Variants in PDE1A observed in about 807,000 individuals in gnomAD.
PDE1A encodes phosphodiesterase 1A, also known as dual specificity calcium/calmodulin-dependent 3',5'-cyclic nucleotide phosphodiesterase 1A.
PDE1A carries 35 observed loss-of-function variants against 61.7 expected under a neutral mutation model. The ratio of observed to expected loss-of-function variants is 0.57; its 90% confidence interval spans 0.43 to 0.75. PDE1A has a LOEUF of 0.75. Ranked by LOEUF, PDE1A falls within the 30% of genes least tolerant of loss-of-function variation. The pLI is 0.00. For synonymous variants in PDE1A, 232 were observed against 213.2 expected (o/e 1.09, Z -0.77); for missense variants, 597 against 630.6 (o/e 0.95, Z 0.57).
the PDE1A span, among the ~76,000 whole-genome samples, chr2:182,584,982 T>TA: frequency 1.3e-5 from 2 of 152,198 alleles, no homozygotes; most frequent in Admixed American, 6.5e-5. Flanking sequence ...AACCTGGACG[T>TA]AAAAAAAGTA....
At chr2:182,438,053 A>G (rs1291296316) in intron 2 of PDE1A, among the ~76,000 whole-genome samples, 3 of 151,830 alleles carry the variant, frequency 2.0e-5, no homozygotes, top group Non-Finnish European at 2.9e-5. Flanking sequence ...CTGGAATCTG[A>G]AGGGATTTTC....
intron 1 of PDE1A, among the ~76,000 whole-genome samples, chr2:182,335,376 G>A (rs775774558): frequency 3.2e-4 from 49 of 152,112 alleles, no homozygotes; most frequent in Non-Finnish European, 4.4e-4. Context: ...ATACTACAAG[G>A]TTACAGTAAC....
chr2:182,382,239 G>A (rs185496828), intron 1 of PDE1A, among the ~76,000 whole-genome samples: 41 of 152,302 alleles, frequency 2.7e-4, no homozygotes, highest in African/African-American at 9.9e-4. Context: ...TAAAAGCAGA[G>A]TTTTCCTTGA....
chr2:182,496,750 G>A lies in PDE1A; in HGVS notation c.101+25526C>T, dbSNP rs76386973. ...GGCTCCATAGGTATCTAGAGGCAGC[G>A]GACTGATAGCAGCAGTAGTGATGGC... On this transcript the variant is annotated intron_variant, in intron 2 of 14. Transcript: ENST00000410103. Among the ~76,000 whole-genome samples the A allele has an allele frequency of 5.9e-3, 904 of 152,350 alleles. 14 individuals carry two copies. The highest frequency in any genetic ancestry group is 0.02 in the South Asian group (98 of 4,832).
the PDE1A span, among the ~76,000 whole-genome samples, chr2:182,650,972 T>C: frequency 6.6e-6 from 1 of 152,114 alleles, no homozygotes; most frequent in Non-Finnish European, 1.5e-5. Flanking sequence ...CTCTAGAGTC[T>C]TATTTGTGTT....
chr2:182,295,824 C>T (rs1009233960), intron 1 of PDE1A, among the ~76,000 whole-genome samples: 8 of 151,782 alleles, frequency 5.3e-5, no homozygotes, highest in Admixed American at 2.6e-4. Flanking sequence ...AATGAAGAAA[C>T]CTGGATGTTG....
At chr2:182,438,369 TG>T (rs1684577099) in intron 2 of PDE1A, among the ~76,000 whole-genome samples, 1 of 151,958 alleles carries the variant, frequency 6.6e-6, no homozygotes, top group South Asian at 2.1e-4. Context: ...TGGTCTCCAA[TG>T]GGGCCACCTC....
At chr2:182,595,535 T>C in the PDE1A span, among the ~76,000 whole-genome samples, 4 of 152,170 alleles carry the variant, frequency 2.6e-5, no homozygotes, top group Non-Finnish European at 4.4e-5. Context: ...AATGAGATAA[T>C]ATATGCTTAT....
rs191365318 is a variant in PDE1A, at chr2:182,372,828, C to G, written c.53+53750G>C. On this transcript the variant is annotated intron_variant, in intron 1 of 13. Coordinates refer to ENST00000351439, the Ensembl canonical transcript of PDE1A. Reference sequence around the variant, plus strand: ...GGAAGTGTTCCCGTAGGAGAAAAGGCTCAAACACCAAGATGACTCATAAGA... The same window carrying G: ...GGAAGTGTTCCCGTAGGAGAAAAGGGTCAAACACCAAGATGACTCATAAGA... 9.2e-5 allele frequency among the ~76,000 whole-genome samples: 14 copies of G among 152,304 alleles called. No individual in the cohort carries two copies. The East Asian group carries it at 2.7e-3, about 29-fold the overall frequency.
intron 1 of PDE1A, among the ~76,000 whole-genome samples, chr2:182,387,764 AAAAAAGAAAG>A (rs1008909694): frequency 6.7e-6 from 1 of 149,564 alleles, no homozygotes; most frequent in African/African-American, 2.5e-5. Context: ...TCTTAAAAAA[AAAAAAGAAAG>A]AAAAAAGAAA....
the PDE1A span, among the ~76,000 whole-genome samples, chr2:182,693,471 C>G: frequency 6.6e-6 from 1 of 152,088 alleles, no homozygotes; most frequent in Admixed American, 6.6e-5. Flanking sequence ...TGCATAACTT[C>G]TTTGCATAAA....
At chr2:182,312,387 CA>C (rs1199086797) in intron 1 of PDE1A, among the ~76,000 whole-genome samples, 1 of 152,072 alleles carries the variant, frequency 6.6e-6, no homozygotes, top group African/African-American at 2.4e-5. Flanking sequence ...CTCAAGATCA[CA>C]AGGCTCTTCT....
chr2:182,155,595 A>C (rs553755993), intron 13 of PDE1A, among the ~76,000 whole-genome samples: 1 of 152,296 alleles, frequency 6.6e-6, no homozygotes, highest in African/African-American at 2.4e-5. Flanking sequence ...AACTATAATA[A>C]GCCCCACATG....
the PDE1A span, among the ~76,000 whole-genome samples, chr2:182,670,441 C>T: frequency 2.0e-5 from 3 of 152,148 alleles, no homozygotes; most frequent in Admixed American, 6.5e-5. Flanking sequence ...TAAAAGCTCT[C>T]CAAGCTATTC....
At chr2:182,357,550 C>G (rs1574441427) in intron 1 of PDE1A, among the ~76,000 whole-genome samples, 1 of 152,128 alleles carries the variant, frequency 6.6e-6, no homozygotes, top group African/African-American at 2.4e-5. Context: ...TTACTGCCAA[C>G]AGATTTTGAG....
the PDE1A span, among the ~76,000 whole-genome samples, chr2:182,701,104 A>C: frequency 2.6e-5 from 4 of 151,842 alleles, no homozygotes; most frequent in African/African-American, 7.3e-5. Context: ...GCGCGATCTC[A>C]GCTCACTGCA....
chr2:182,587,868 T>C, the PDE1A span, among the ~76,000 whole-genome samples: 1 of 152,218 alleles, frequency 6.6e-6, no homozygotes, highest in Non-Finnish European at 1.5e-5. Flanking sequence ...AATGTTTGTT[T>C]AATATACCAC....
chr2:182,609,723 T>C, the PDE1A span, among the ~76,000 whole-genome samples: 1 of 152,194 alleles, frequency 6.6e-6, no homozygotes, highest in Non-Finnish European at 1.5e-5. Flanking sequence ...TTGAAGTCAG[T>C]GAGACCAAGA....
At chr2:182,191,557 A>C (rs891928444) in intron 10 of PDE1A, among the ~76,000 whole-genome samples, 2 of 152,046 alleles carry the variant, frequency 1.3e-5, no homozygotes, top group African/African-American at 4.8e-5. Context: ...TGGTTTTTGC[A>C]ATTAAAATTG....
Sources: gnomAD v4.1 joint callset for allele counts (sites outside exome capture counted in the v4.1 genomes callset) on GRCh38, gnomAD v4.1.1 for gene constraint, MANE v1.5 for transcripts, NCBI Gene and HGNC (gene_info 2026-07-23, HGNC 2026-07-21) for gene names.